Variants in YWHAH observed in about 807,000 individuals in gnomAD.
The protein encoded by YWHAH is 14-3-3 protein eta.
A neutral mutation model predicts 22.9 loss-of-function variants in YWHAH; 6 were observed. The observed-to-expected ratio is 0.26, with a 90% CI of 0.14 to 0.52. YWHAH has a LOEUF of 0.52. YWHAH is among the 20% of genes least tolerant of loss of function. The pLI is 0.97. For missense variants in YWHAH, 173 were observed against 308.6 expected, an observed-to-expected ratio of 0.56 and a Z score of 3.29; for synonymous variants, 135 against 124.5, an observed-to-expected ratio of 1.08 and a Z score of -0.56.
intron 1 of YWHAH, among the ~76,000 whole-genome samples, chr22:31,946,911 A>G (rs1005465316): frequency 6.6e-6 from 1 of 152,204 alleles, no homozygotes; most frequent in African/African-American, 2.4e-5. Context: ...AGTCAATCCA[A>G]GCTTTAATTC....
In YWHAH at chr22:31,957,492, C is replaced by T. The variant is rs577881199; in HGVS notation, c.*700C>T. On this transcript the variant is annotated 3_prime_UTR_variant, in exon 2 of 2. Transcript: ENST00000248975. ...CTATTGTCCTTGTGTATCCTGACAGCGCCATGTGTGTCAGCCCATGTCAAT... is the reference window on the plus strand; with the variant it reads ...CTATTGTCCTTGTGTATCCTGACAGTGCCATGTGTGTCAGCCCATGTCAAT... The T allele has an allele frequency of 2.0e-5, 3 of 152,324 alleles. No homozygotes were observed. Among genetic ancestry groups the T allele is most frequent in the Middle Eastern group, 3.4e-3 (1 of 294 alleles). The allele number at this position is 152,324 out of a possible 1,614,324, so 9.4% of individuals were successfully genotyped here. A position where few individuals can be genotyped will look rare whatever the true frequency, so the allele number is the denominator to read the frequency against.
At position 31,956,936 on chromosome 22, in the gene YWHAH, G is replaced by A; in HGVS notation, c.*144G>A. ...TCAGATCTGCACTCCTGTCTCTTGG[G>A]AAGCAGTTTCAGATAAATCATGGGC... On this transcript the variant is annotated 3_prime_UTR_variant, in exon 2 of 2. Coordinates refer to ENST00000248975, the MANE Select transcript of YWHAH (RefSeq NM_003405.4). This position sits in a 1 kb window ranked among gnomAD's most constrained non-coding sequence, Gnocchi z 5.1. The A allele has an allele frequency of 9.1e-7, 1 of 1,101,904 alleles. No individual in the cohort carries two copies. The highest frequency in any genetic ancestry group is 1.3e-6 in the Non-Finnish European group (1 of 794,594). The allele number at this position is 1,101,904 out of a possible 1,614,324, so 68.3% of individuals were successfully genotyped here.
At chr22:31,949,571 C>T (rs1014906270) in intron 1 of YWHAH, among the ~76,000 whole-genome samples, 1 of 151,636 alleles carries the variant, frequency 6.6e-6, no homozygotes, top group Non-Finnish European at 1.5e-5. Flanking sequence ...GATCTTGGTT[C>T]ACTGCAAGCT....
rs1406609264 is a variant in YWHAH at position 31,944,743 on chromosome 22, C to G, written c.10C>G (p.Arg4Gly). 7.1e-7 allele frequency: 1 copy of G among 1,412,842 alleles called. No homozygotes were observed. The highest frequency in any genetic ancestry group is 9.3e-7 in the Non-Finnish European group (1 of 1,076,726). 87.5% of individuals were successfully genotyped at this position (1,412,842 alleles called of 1,614,324 possible). A position where few individuals can be genotyped will look rare whatever the true frequency, so the allele number is the denominator to read the frequency against. Residue 4 changes from arginine (R) to glycine (G), a missense_variant, in exon 1 of 2, where the codon CGG becomes GGG. Physicochemically the swap from Arg to Gly is moderately radical, Grantham distance 125. Coordinates refer to ENST00000248975, the MANE Select transcript of YWHAH (RefSeq NM_003405.4). MGD[R>G]EQLLQRARLA... ...CCGAGCCGCGAGCGACATGGGGGAC[C>G]GGGAGCAGCTGCTGCAGCGGGCGCG...
intron 1 of YWHAH, chr22:31,945,796 C>A: frequency 1.2e-6 from 1 of 838,864 alleles, no homozygotes; most frequent in Non-Finnish European, 1.6e-6. Context: ...TTGAACTCCG[C>A]CTTAGACCTA....
At position 31,944,659 on chromosome 22, in the gene YWHAH, G is replaced by T; in HGVS notation, c.-75G>T. 8.6e-7 allele frequency: 1 copy of T among 1,162,778 alleles called. No individual in the cohort carries two copies. 72.0% of individuals were successfully genotyped at this position (1,162,778 alleles called of 1,614,324 possible). On this transcript the variant is annotated 5_prime_UTR_variant, in exon 1 of 2. Coordinates refer to ENST00000248975, the MANE Select transcript of YWHAH (RefSeq NM_003405.4). ...GCGGCGGCGGCCTCCGCAGCGACCG[G>T]GGAGCGGACTGACCGGCGGGAGGGC...
rs866994247 is a variant in YWHAH, at chr22:31,945,446, C to A, written c.87+626C>A. The A allele has an allele frequency of 6.2e-5, 81 of 1,303,926 alleles. No individual in the cohort carries two copies. In the Middle Eastern group the frequency reaches 8.5e-4, roughly 14 times the overall value. The allele number at this position is 1,303,926 out of a possible 1,614,324, so 80.8% of individuals were successfully genotyped here. A position where few individuals can be genotyped will look rare whatever the true frequency, so the allele number is the denominator to read the frequency against. ...GGTGTGGGGCCCCACTCCACAGCCC[C>A]AGGTTTGCTGCTGCGCTGTCTGCTT... On this transcript the variant is annotated intron_variant, in intron 1 of 1. Transcript: ENST00000248975.
At chr22:31,952,189 A>G (rs1407893913) in intron 1 of YWHAH, among the ~76,000 whole-genome samples, 3 of 152,212 alleles carry the variant, frequency 2.0e-5, no homozygotes, top group Non-Finnish European at 4.4e-5. Context: ...ATGTGATTTC[A>G]TTAGATTTTG....
At chr22:31,950,561 G>A in intron 1 of YWHAH, 1 of 510,256 alleles carries the variant, frequency 2.0e-6, no homozygotes, top group Non-Finnish European at 3.5e-6. Flanking sequence ...CCATGAAAAT[G>A]TTCAGTTATG....
chr22:31,953,104 A>T (rs553788533), intron 1 of YWHAH, among the ~76,000 whole-genome samples: 1 of 152,230 alleles, frequency 6.6e-6, no homozygotes. Context: ...TACTCTGGGA[A>T]GTTACCTTGG....
intron 1 of YWHAH, among the ~76,000 whole-genome samples, chr22:31,952,140 G>T (rs577695777): frequency 6.6e-6 from 1 of 152,236 alleles, no homozygotes; most frequent in East Asian, 1.9e-4. Context: ...ATTCTGTCTT[G>T]TTGTTGCTTC....
chr22:31,949,874 T>C (rs2093840633), intron 1 of YWHAH, among the ~76,000 whole-genome samples: 1 of 152,186 alleles, frequency 6.6e-6, no homozygotes, highest in African/African-American at 2.4e-5. Flanking sequence ...TATTAACCAT[T>C]GTCAGCACTG....
At chr22:31,952,225 G>A in intron 1 of YWHAH, among the ~76,000 whole-genome samples, 1 of 152,312 alleles carries the variant, frequency 6.6e-6, no homozygotes, top group African/African-American at 2.4e-5. Context: ...AGCATGGTCG[G>A]GGCCTGGAGA....
At chr22:31,949,763 G>A (rs1448053352) in intron 1 of YWHAH, among the ~76,000 whole-genome samples, 1 of 152,128 alleles carries the variant, frequency 6.6e-6, no homozygotes, top group African/African-American at 2.4e-5. Flanking sequence ...AGTAAGTTGT[G>A]AATTCAAGAT....
chr22:31,949,737 T>TC (rs2093840407), intron 1 of YWHAH, among the ~76,000 whole-genome samples: 1 of 152,244 alleles, frequency 6.6e-6, no homozygotes, highest in South Asian at 2.1e-4. Flanking sequence ...GTTGATTTTC[T>TC]CATGGTCAAA....
At chr22:31,951,226 GAC>G (rs199859765) in intron 1 of YWHAH, among the ~76,000 whole-genome samples, 1 of 152,016 alleles carries the variant, frequency 6.6e-6, no homozygotes, top group South Asian at 2.1e-4. Flanking sequence ...TTCTCACACA[GAC>G]ACACACACAT....
In YWHAH at chr22:31,956,975, T is replaced by C; in HGVS notation, c.*183T>C. ...TAAATCATGGGCATTGCTGGACTGA[T>C]GGTTGCTTTGAGCCCACAGGAGCTC... On this transcript the variant is annotated 3_prime_UTR_variant, in exon 2 of 2. Transcript: ENST00000248975. The surrounding 1 kb of genome is among the most constrained non-coding windows in gnomAD (Gnocchi z 5.1). 2.6e-6 allele frequency: 2 copies of C among 783,358 alleles called. No individual in the cohort carries two copies. Among genetic ancestry groups the C allele is most frequent in the Non-Finnish European group, 3.9e-6 (2 of 515,254 alleles). 48.5% of individuals were successfully genotyped at this position (783,358 alleles called of 1,614,324 possible). A position where few individuals can be genotyped will look rare whatever the true frequency, so the allele number is the denominator to read the frequency against.
chr22:31,949,136 C>CTTTTTTTTTTTTTT (rs760273556), intron 1 of YWHAH, among the ~76,000 whole-genome samples: 8 of 99,050 alleles, frequency 8.1e-5, no homozygotes, highest in Non-Finnish European at 1.2e-4. Context: ...ACATATTTTA[C>CTTTTTTTTTTTTTT]TTTTTTTTTT....
At position 31,956,480 on chromosome 22, in the gene YWHAH, A is replaced by G. The variant is rs78051162; in HGVS notation, c.429A>G (p.Lys143=). The G allele has an allele frequency of 1.5e-5, 25 of 1,614,064 alleles. No homozygotes were observed. Among genetic ancestry groups the G allele is most frequent in the Admixed American group, 5.0e-5 (3 of 59,992 alleles). The change falls in exon 2 of 2, where the codon AAA becomes AAG. Residue 143 remains lysine, a synonymous_variant. Coordinates refer to ENST00000248975, the MANE Select transcript of YWHAH (RefSeq NM_003405.4). This position sits in a 1 kb window ranked among gnomAD's most constrained non-coding sequence, Gnocchi z 5.1. ...CAGAGGTCGCTTCTGGGGAGAAGAA[A>G]AACAGTGTGGTCGAAGCTTCTGAAG... ...YLAEVASGEK[K]NSVVEASEAA...
Sources: gnomAD v4.1 joint callset for allele counts (sites outside exome capture counted in the v4.1 genomes callset) on GRCh38, gnomAD v4.1.1 for gene constraint, Gnocchi (gnomAD v3.1) non-coding constraint, MANE v1.5 for transcripts, NCBI Gene and HGNC (gene_info 2026-07-23, HGNC 2026-07-21) for gene names.